The following RFX3 variants were observed in gnomAD, a reference collection of about 807,000 sequenced individuals.
RFX3 encodes the protein regulatory factor X3, also known as transcription factor RFX3.
In RFX3, 14 loss-of-function variants were observed where a neutral mutation model predicts 98.6. The ratio of observed to expected loss-of-function variants is 0.14; its 90% CI spans 0.09 to 0.22. The LOEUF (loss-of-function observed/expected upper bound fraction) is 0.22, where lower values mean the gene tolerates loss of function less well. RFX3 is among the 10% of genes least tolerant of loss of function. RFX3 has a pLI of 1.00. For missense variants in RFX3, 639 were observed against 926.9 expected (o/e 0.69, Z 4.03); for synonymous variants, 383 against 328.4 (o/e 1.17, Z -1.80).
chr9:3,469,038 T>C (rs1848556298), intron 1 of RFX3: 1 of 336,176 alleles, frequency 3.0e-6, no homozygotes. Context: ...TTTAGAAAAA[T>C]GCAAAGCATC....
At chr9:3,292,949 A>T (rs1324078754) in intron 6 of RFX3, 128 bp downstream of exon 6, 1 of 672,740 alleles carries the variant, frequency 1.5e-6, no homozygotes, top group Non-Finnish European at 2.4e-6. Context: ...GGATGTTATA[A>T]ACTGAGCTCA....
chr9:3,303,242 G>A (rs139448195), intron 4 of RFX3, among the ~76,000 whole-genome samples: 2,838 of 151,812 alleles, frequency 0.019, 40 homozygotes, highest in African/African-American at 0.03. Context: ...TGTAATGAAT[G>A]AACAAACATT....
intron 4 of RFX3, among the ~76,000 whole-genome samples, chr9:3,315,233 C>CAG: frequency 1.3e-5 from 2 of 152,080 alleles, no homozygotes; most frequent in African/African-American, 4.8e-5. Context: ...CTCAAAACTG[C>CAG]TCAACTACAT....
At chr9:3,491,926 T>C (rs964558876) in intron 1 of RFX3, among the ~76,000 whole-genome samples, 1 of 152,224 alleles carries the variant, frequency 6.6e-6, no homozygotes, top group African/African-American at 2.4e-5. Flanking sequence ...AGTTTACAGA[T>C]GACCATGCTA....
chr9:3,484,917 C>A (rs556287917), intron 1 of RFX3, among the ~76,000 whole-genome samples: 18 of 150,578 alleles, frequency 1.2e-4, no homozygotes, highest in East Asian at 1.2e-3. Flanking sequence ...GACACCCCCC[C>A]CCACCCCATC....
intron 15 of RFX3, among the ~76,000 whole-genome samples, chr9:3,244,943 A>G (rs1820448663): frequency 1.3e-5 from 2 of 152,340 alleles, no homozygotes; most frequent in South Asian, 4.1e-4. Flanking sequence ...AAAACTTGTT[A>G]ATAAATGATA....
intron 7 of RFX3, among the ~76,000 whole-genome samples, chr9:3,286,228 A>G (rs551200827): frequency 6.6e-6 from 1 of 151,998 alleles, no homozygotes; most frequent in South Asian, 2.1e-4. Flanking sequence ...AAGTGCTGCC[A>G]TTAACAGATG....
chr9:3,344,858 T>G, intron 3 of RFX3: 1 of 715,850 alleles, frequency 1.4e-6, no homozygotes, highest in Non-Finnish European at 2.6e-6. Flanking sequence ...GATTCCAAAA[T>G]CATGCTCCAG....
chr9:3,477,250 C>T (rs1253771317), intron 1 of RFX3, among the ~76,000 whole-genome samples: 5 of 152,172 alleles, frequency 3.3e-5, no homozygotes, highest in African/African-American at 1.2e-4. Context: ...TCTATTTGTA[C>T]ATGTCTTTCA....
At chr9:3,444,295 T>G (rs1357722379) in intron 1 of RFX3, among the ~76,000 whole-genome samples, 3 of 152,138 alleles carry the variant, frequency 2.0e-5, no homozygotes, top group Non-Finnish European at 4.4e-5. Context: ...TTCTGCTAAG[T>G]GAAAGAAGCC....
intron 1 of RFX3, among the ~76,000 whole-genome samples, chr9:3,509,077 A>G (rs906974932): frequency 1.3e-5 from 2 of 151,896 alleles, no homozygotes; most frequent in Admixed American, 6.6e-5. Context: ...AGTAAACAAC[A>G]TAACCTTCCA....
intron 1 of RFX3, among the ~76,000 whole-genome samples, chr9:3,404,436 A>G (rs911088990): frequency 6.6e-6 from 1 of 152,172 alleles, no homozygotes; most frequent in African/African-American, 2.4e-5. Flanking sequence ...TAAGTCATCT[A>G]TACTGAATTA....
At position 3,220,351 on chromosome 9, in the gene RFX3, A is replaced by AAAAAAG. The variant is rs1055921340; in HGVS notation, c.*4685_*4690dup. On this transcript the variant is annotated 3_prime_UTR_variant, in exon 17 of 17. Transcript: ENST00000617270. ...TCATTTTGGGAAAAAAAAGACAAAA[A>AAAAAAG]AAAAAGAAACTTAACCCTTTCTTTA... is the stretch of plus-strand genomic sequence containing the variant. The AAAAAAG allele has an allele frequency of 5.3e-5, 8 of 152,078 alleles. No homozygotes were observed. The highest frequency in any genetic ancestry group is 1.2e-4 in the Non-Finnish European group (8 of 68,014). 9.4% of individuals were successfully genotyped at this position (152,078 alleles called of 1,614,324 possible).
rs1197620783 is a variant in RFX3 at position 3,511,847 on chromosome 9, G to C, written c.-9+13900C>G. ...AATTCAATTACTAAACAAAAGATAT[G>C]ACCGGAAACCAAGAACAAACTTCCT... is the stretch of plus-strand genomic sequence containing the variant. On this transcript the variant is annotated intron_variant, in intron 1 of 16. Transcript: ENST00000617270. Among the ~76,000 whole-genome samples, 4 of 151,986 alleles carry C rather than the reference G, an allele frequency of 2.6e-5. No homozygotes were observed. The East Asian group carries it at 7.7e-4, about 29-fold the overall frequency.
intron 2 of RFX3, among the ~76,000 whole-genome samples, chr9:3,392,329 T>A (rs1587479203): frequency 4.1e-5 from 6 of 145,868 alleles, no homozygotes; most frequent in East Asian, 2.1e-4. Context: ...AGAAAAAAAA[T>A]TTCAACAAGT....
At chr9:3,452,376 A>AC (rs1204980372) in intron 1 of RFX3, 1 of 322,728 alleles carries the variant, frequency 3.1e-6, no homozygotes, top group African/African-American at 2.2e-5. Context: ...GAACTGCTTG[A>AC]CACTAGGAGT....
At chr9:3,505,142 T>C (rs1298603328) in intron 1 of RFX3, among the ~76,000 whole-genome samples, 16 of 99,106 alleles carry the variant, frequency 1.6e-4, no homozygotes, top group African/African-American at 5.0e-4. Context: ...TATTTATATA[T>C]TATATGAATA....
chr9:3,425,172 A>G (rs1843891355), intron 1 of RFX3, among the ~76,000 whole-genome samples: 2 of 152,342 alleles, frequency 1.3e-5, no homozygotes, highest in South Asian at 4.1e-4. Context: ...CAGGAGGCAG[A>G]GGTTGAGTGA....
chr9:3,327,761 A>C (rs1832091243), intron 4 of RFX3, among the ~76,000 whole-genome samples: 1 of 152,110 alleles, frequency 6.6e-6, no homozygotes, highest in Non-Finnish European at 1.5e-5. Flanking sequence ...AGTTTTTATA[A>C]TTCAGTTATC....
Sources: gnomAD v4.1 joint callset for allele counts (sites outside exome capture counted in the v4.1 genomes callset) on GRCh38, gnomAD v4.1.1 for gene constraint, MANE v1.5 for transcripts, NCBI Gene and HGNC (gene_info 2026-07-23, HGNC 2026-07-21) for gene names.